Variants in SAMD8 observed in about 807,000 individuals in gnomAD.
SAMD8 encodes sterile alpha motif domain containing 8.
SAMD8 carries 20 observed loss-of-function variants against 42.0 expected under a neutral mutation model. The ratio of observed to expected loss-of-function variants is 0.48; its 90% CI spans 0.34 to 0.69. SAMD8 has a LOEUF of 0.69. Among genes scored for constraint, SAMD8 ranks in the 30% least tolerant of loss-of-function variants. The pLI, the probability that SAMD8 is intolerant of heterozygous loss-of-function variation, is 0.01. For missense variants in SAMD8, 328 were observed against 511.6 expected (o/e 0.64, Z 3.46); for synonymous variants, 162 against 173.0 (o/e 0.94, Z 0.50).
At position 75,178,266 on chromosome 10, in the gene SAMD8, C is replaced by G. The variant is rs1052753785; in HGVS notation, c.*1574C>G. ...GTGAACATCATTTTTGTATTTCTCA[C>G]TTGAGAAATGCTGCAAGGCAATTCA... is the stretch of plus-strand genomic sequence containing the variant. On this transcript the variant is annotated 3_prime_UTR_variant, in exon 6 of 6. Coordinates refer to ENST00000542569, the MANE Select transcript of SAMD8 (RefSeq NM_001174156.2). 3.9e-5 allele frequency: 6 copies of G among 152,224 alleles called. No homozygotes were observed. Among genetic ancestry groups the G allele is most frequent in the African/African-American group, 1.4e-4 (6 of 41,462 alleles). 9.4% of individuals were successfully genotyped at this position (152,224 alleles called of 1,614,324 possible).
chr10:75,167,327 G>T (rs1840710064), intron 3 of SAMD8, among the ~76,000 whole-genome samples: 1 of 152,106 alleles, frequency 6.6e-6, no homozygotes, highest in African/African-American at 2.4e-5. Flanking sequence ...CATGATCATG[G>T]CTCACTGCAT....
At chr10:75,101,997 T>G in intron 1 of SAMD8, 16 of 1,324,540 alleles carry the variant, frequency 1.2e-5, no homozygotes, top group Non-Finnish European at 1.5e-5. Context: ...TAAAGCATGC[T>G]GTCTACTCCC....
chr10:75,111,431 G>T, upstream of SAMD8: 1 of 1,032,962 alleles, frequency 9.7e-7, no homozygotes, highest in Non-Finnish European at 1.2e-6. Flanking sequence ...CTTTTCCAGT[G>T]TGGGCCCCGC....
intron 1 of SAMD8, among the ~76,000 whole-genome samples, chr10:75,104,345 T>C (rs537885530): frequency 1.3e-5 from 2 of 152,302 alleles, no homozygotes; most frequent in African/African-American, 2.4e-5. Flanking sequence ...AGAGCTGCTC[T>C]GTATGGCTGC....
In SAMD8 at chr10:75,105,841, CCCA is replaced by C. The variant is rs761565456; in HGVS notation, c.-16+6118_-16+6120del. The C allele has an allele frequency of 2.6e-6, 4 of 1,550,442 alleles. No individual in the cohort carries two copies. In the African/African-American group the frequency reaches 5.5e-5, roughly 21 times the overall value. On this transcript the variant is annotated intron_variant, in intron 1 of 3. Transcript: ENST00000447533. ...GACCAGCGTGGCAGAGCGGCTCACG[CCCA>C]CCACACAGTGCACCAGGACCTTGGC...
At chr10:75,128,949 G>A (rs1849211568) in intron 1 of SAMD8, among the ~76,000 whole-genome samples, 1 of 151,792 alleles carries the variant, frequency 6.6e-6, no homozygotes, top group African/African-American at 2.4e-5. Flanking sequence ...TACTTCTTCT[G>A]CAAAAGGGTC....
chr10:75,130,430 G>A (rs761485009), intron 1 of SAMD8, among the ~76,000 whole-genome samples: 20 of 151,962 alleles, frequency 1.3e-4, no homozygotes, highest in Admixed American at 8.5e-4. Context: ...TGCTTGAACC[G>A]AGGAGGTGGA....
At chr10:75,145,391 G>A (rs181748533) in intron 1 of SAMD8, among the ~76,000 whole-genome samples, 7 of 152,210 alleles carry the variant, frequency 4.6e-5, no homozygotes, top group Admixed American at 4.6e-4. Flanking sequence ...ATACTTTCCT[G>A]CTTCTTTGCA....
At chr10:75,169,788 A>C (rs1840803768) in intron 4 of SAMD8, among the ~76,000 whole-genome samples, 3 of 151,980 alleles carry the variant, frequency 2.0e-5, no homozygotes. Context: ...GGGCACCTGT[A>C]ATCCCAGGTA....
chr10:75,164,695 T>C lies in SAMD8; in HGVS notation c.629T>C (p.Ile210Thr), dbSNP rs769886585. 6 of 1,614,166 alleles carry C rather than the reference T, an allele frequency of 3.7e-6. No homozygotes were observed. The highest frequency in any genetic ancestry group is 5.1e-6 in the Non-Finnish European group (6 of 1,180,012). ...AFAMTEVCGM[I>T]LCYIWLLVLL... ...GCCATGACGGAAGTATGTGGCATGA[T>C]TCTGTGCTATATTTGGCTCCTGGTT... The change falls in exon 3 of 6, where the codon ATT becomes ACT. Residue 210 changes from isoleucine to threonine, a missense_variant. Coordinates refer to ENST00000542569, the MANE Select transcript of SAMD8 (RefSeq NM_001174156.2).
chr10:75,164,404 T>A, intron 2 of SAMD8: 7 of 409,870 alleles, frequency 1.7e-5, no homozygotes, highest in Non-Finnish European at 2.3e-5. Flanking sequence ...TTTTTTTTCC[T>A]CTGGTATTTG....
upstream of SAMD8, chr10:75,111,457 C>T: frequency 8.3e-7 from 1 of 1,197,964 alleles, no homozygotes; most frequent in Non-Finnish European, 1.0e-6. Context: ...GCCGGTAGAA[C>T]CCCGTCCCCG....
intron 2 of SAMD8, 58 bp from the exon 3 acceptor site, chr10:75,164,587 G>C: frequency 6.3e-7 from 1 of 1,575,968 alleles, no homozygotes; most frequent in Non-Finnish European, 8.7e-7. Context: ...TTACTGAAAA[G>C]GGTGGCATCA....
At position 75,164,660 on chromosome 10, in the gene SAMD8, A is replaced by G. The variant is rs1321280971; in HGVS notation, c.594A>G (p.Pro198=). 3 of 1,613,992 alleles carry G rather than the reference A, an allele frequency of 1.9e-6. No individual in the cohort carries two copies. Among genetic ancestry groups the G allele is most frequent in the Non-Finnish European group, 2.5e-6 (3 of 1,179,988 alleles). ...DIFLDSVPRI[P]WAFAMTEVCG... The stretch of plus-strand genomic sequence containing the variant: ...TCTGTTCCAGCGTTCCTAGAATCCC[A>G]TGGGCCTTTGCCATGACGGAAGTAT... The change falls in exon 3 of 6, where the codon CCA becomes CCG. Residue 198 remains proline (P), a synonymous_variant. Transcript: ENST00000542569.
intron 1 of SAMD8, among the ~76,000 whole-genome samples, chr10:75,123,047 G>GA (rs1188883329): frequency 1.3e-5 from 2 of 152,106 alleles, no homozygotes; most frequent in African/African-American, 4.8e-5. Flanking sequence ...ATTCGTGAGG[G>GA]ATATTGGCCC....
chr10:75,131,442 G>A (rs1302233072), intron 1 of SAMD8, among the ~76,000 whole-genome samples: 3 of 151,970 alleles, frequency 2.0e-5, no homozygotes, highest in African/African-American at 7.3e-5. Context: ...GAAAAATCAC[G>A]CTCTAGTGTT....
upstream of SAMD8, among the ~76,000 whole-genome samples, chr10:75,107,191 C>T (rs774057062): frequency 2.0e-5 from 3 of 151,882 alleles, no homozygotes; most frequent in South Asian, 2.1e-4. Context: ...AAAAATTAGC[C>T]GGGTATGGTG....
chr10:75,112,794 A>G (rs1308832980), intron 1 of SAMD8, among the ~76,000 whole-genome samples: 2 of 152,204 alleles, frequency 1.3e-5, no homozygotes, highest in Non-Finnish European at 2.9e-5. Context: ...GGACACTTGG[A>G]TTTTACAGAT....
intron 2 of SAMD8, among the ~76,000 whole-genome samples, chr10:75,152,329 C>T (rs1338827708): frequency 1.1e-4 from 16 of 149,048 alleles, no homozygotes; most frequent in South Asian, 6.4e-4. Context: ...GAGACCATCC[C>T]GGCTAAAACG....
Sources: gnomAD v4.1 joint callset for allele counts (sites outside exome capture counted in the v4.1 genomes callset) on GRCh38, gnomAD v4.1.1 for gene constraint, MANE v1.5 for transcripts, NCBI Gene and HGNC (gene_info 2026-07-23, HGNC 2026-07-21) for gene names.